The following GLIS3 variants were observed in gnomAD, a reference collection of about 807,000 sequenced individuals.
GLIS3 encodes GLIS family zinc finger 3.
Under a neutral mutation model 78.6 loss-of-function variants are expected in GLIS3, and 53 were observed. The ratio of observed to expected loss-of-function variants is 0.67; its 90% CI spans 0.54 to 0.85. GLIS3 has a LOEUF of 0.85. GLIS3 is among the 40% of genes least tolerant of loss of function. The pLI, the probability that GLIS3 is intolerant of heterozygous loss-of-function variation, is 0.00. For missense variants in GLIS3, 1,703 were observed against 1,231.1 expected (o/e 1.38, Z -5.74); for synonymous variants, 684 against 509.9 (o/e 1.34, Z -4.60).
intron 4 of GLIS3, among the ~76,000 whole-genome samples, chr9:4,078,467 G>T (rs1272514342): frequency 6.6e-6 from 1 of 152,108 alleles, no homozygotes; most frequent in Non-Finnish European, 1.5e-5. Context: ...AATTCTTCTT[G>T]CATGGCCTCA....
intron 2 of GLIS3, among the ~76,000 whole-genome samples, chr9:4,136,822 T>C (rs571191050): frequency 6.6e-6 from 1 of 152,312 alleles, no homozygotes; most frequent in African/African-American, 2.4e-5. Context: ...ATTTAAAAGC[T>C]GGACATTACT....
chr9:4,007,018 T>A (rs1469610397), intron 4 of GLIS3, among the ~76,000 whole-genome samples: 1 of 152,204 alleles, frequency 6.6e-6, no homozygotes, highest in Non-Finnish European at 1.5e-5. Context: ...ATATTGGTGA[T>A]CTAAGCATTA....
chr9:3,850,144 T>G (rs1483533180), intron 9 of GLIS3, among the ~76,000 whole-genome samples: 1 of 152,232 alleles, frequency 6.6e-6, no homozygotes, highest in African/African-American at 2.4e-5. Context: ...GGCAGTTCAG[T>G]GTGGCTATAG....
intron 4 of GLIS3, among the ~76,000 whole-genome samples, chr9:4,088,485 T>C (rs1474192476): frequency 6.6e-6 from 1 of 152,260 alleles, no homozygotes; most frequent in African/African-American, 2.4e-5. Flanking sequence ...TTATCTTAAA[T>C]TGGTCCTAAG....
chr9:3,935,624 T>C (rs1339170747), intron 5 of GLIS3, among the ~76,000 whole-genome samples: 1 of 152,354 alleles, frequency 6.6e-6, no homozygotes, highest in African/African-American at 2.4e-5. Flanking sequence ...AAATGTTCAT[T>C]CTTCCATGAT....
chr9:3,988,535 G>C (rs925420384), intron 4 of GLIS3, among the ~76,000 whole-genome samples: 1 of 152,106 alleles, frequency 6.6e-6, no homozygotes, highest in Non-Finnish European at 1.5e-5. Context: ...CAGTAATCAA[G>C]ACAATGTGGT....
At chr9:4,213,658 G>T (rs1820564084) in intron 2 of GLIS3, among the ~76,000 whole-genome samples, 1 of 152,184 alleles carries the variant, frequency 6.6e-6, no homozygotes, top group Admixed American at 6.5e-5. Flanking sequence ...GTAAGCACAG[G>T]TTGTGTATCT....
At chr9:3,944,750 C>T (rs1245006216) in intron 4 of GLIS3, among the ~76,000 whole-genome samples, 1 of 152,168 alleles carries the variant, frequency 6.6e-6, no homozygotes, top group Non-Finnish European at 1.5e-5. Flanking sequence ...CTGTCTCAGT[C>T]CATTTTCTGT....
chr9:4,178,138 A>T (rs1816968340), intron 2 of GLIS3, among the ~76,000 whole-genome samples: 1 of 152,196 alleles, frequency 6.6e-6, no homozygotes, highest in African/African-American at 2.4e-5. Context: ...CCTATCTCCA[A>T]GTGAACTAGA....
chr9:3,929,537 T>C (rs1825484697), intron 6 of GLIS3, among the ~76,000 whole-genome samples: 3 of 152,138 alleles, frequency 2.0e-5, no homozygotes, highest in Admixed American at 1.3e-4. Context: ...CTGGCCCCGA[T>C]TCCACAGTAG....
chr9:3,856,397 TAAAC>T (rs1279168714), intron 8 of GLIS3, among the ~76,000 whole-genome samples: 1 of 152,182 alleles, frequency 6.6e-6, no homozygotes, highest in Non-Finnish European at 1.5e-5. Flanking sequence ...ACAGAGGGAA[TAAAC>T]AAGTACAATA....
At chr9:4,059,070 T>G (rs554921109) in intron 4 of GLIS3, among the ~76,000 whole-genome samples, 1 of 152,314 alleles carries the variant, frequency 6.6e-6, no homozygotes, top group African/African-American at 2.4e-5. Context: ...CTGAGTCATC[T>G]AATCTATAGT....
At chr9:4,130,865 T>C (rs1832923630) in intron 2 of GLIS3, among the ~76,000 whole-genome samples, 1 of 152,136 alleles carries the variant, frequency 6.6e-6, no homozygotes. Context: ...CACTGTCAGC[T>C]TGCACCCTGC....
chr9:4,314,436 G>A (rs1012479058), intron 2 of GLIS3, among the ~76,000 whole-genome samples: 25 of 152,274 alleles, frequency 1.6e-4, no homozygotes, highest in African/African-American at 6.0e-4. Flanking sequence ...CACACAATAT[G>A]TTTGCATGTG....
At chr9:4,429,292 C>A in the GLIS3 span, among the ~76,000 whole-genome samples, 2 of 151,982 alleles carry the variant, frequency 1.3e-5, no homozygotes, top group South Asian at 4.2e-4. Context: ...GCCATTTGGC[C>A]CCTACCTCCC....
chr9:4,444,765 C>T, the GLIS3 span, among the ~76,000 whole-genome samples: 1 of 152,224 alleles, frequency 6.6e-6, no homozygotes, highest in Admixed American at 6.5e-5. Flanking sequence ...CTAACTACCA[C>T]AGGCTTTGCT....
chr9:4,234,935 C>A (rs1200068620), intron 2 of GLIS3, among the ~76,000 whole-genome samples: 1 of 152,174 alleles, frequency 6.6e-6, no homozygotes, highest in Non-Finnish European at 1.5e-5. Flanking sequence ...GGCATCGCCA[C>A]ATACACTCCA....
chr9:4,333,880 C>T (rs1188458702), intron 2 of GLIS3, among the ~76,000 whole-genome samples: 1 of 152,082 alleles, frequency 6.6e-6, no homozygotes, highest in Non-Finnish European at 1.5e-5. Context: ...TTTCAGGCAA[C>T]GCCAGGGAAA....
At position 4,118,306 on chromosome 9, in the gene GLIS3, T is replaced by G; in HGVS notation, c.1172A>C (p.Glu391Ala). ...LPAYGEDGALEHERMQQLEHG... is the reference protein window; with the variant it reads ...LPAYGEDGALAHERMQQLEHG... ...CTCCAGCTGTTGCATGCGCTCGTGC[T>G]CCAGGGCCCCGTCCTCGCCGTAGGC... is the stretch of plus-strand genomic sequence containing the variant. The change falls in exon 4 of 11, where the codon GAG becomes GCG. Residue 391 changes from glutamate (E) to alanine (A), a missense_variant. Physicochemically the swap from Glu to Ala is moderately radical, Grantham distance 107. Coordinates refer to ENST00000381971, the MANE Select transcript of GLIS3 (RefSeq NM_001042413.2). The surrounding 1 kb of genome is among the most constrained non-coding windows in gnomAD (Gnocchi z 4.7). 5 of 1,577,570 alleles carry G rather than the reference T, an allele frequency of 3.2e-6. No homozygotes were observed. The highest frequency in any genetic ancestry group is 4.3e-6 in the Non-Finnish European group (5 of 1,163,938).
Sources: gnomAD v4.1 joint callset for allele counts (sites outside exome capture counted in the v4.1 genomes callset) on GRCh38, gnomAD v4.1.1 for gene constraint, Gnocchi (gnomAD v3.1) non-coding constraint, MANE v1.5 for transcripts, NCBI Gene and HGNC (gene_info 2026-07-23, HGNC 2026-07-21) for gene names.